The following SYT8 variants were observed in gnomAD, a reference collection of about 807,000 sequenced individuals.
The protein encoded by SYT8 is synaptotagmin-8.
A neutral mutation model predicts 34.9 loss-of-function variants in SYT8; 50 were observed. The ratio of observed to expected loss-of-function variants is 1.43; its 90% CI spans 1.14 to 1.81. The LOEUF (loss-of-function observed/expected upper bound fraction) is 1.81, where lower values mean the gene tolerates loss of function less well. Among genes scored for constraint, SYT8 ranks in the 40% most tolerant of loss-of-function variants. The probability of loss-of-function intolerance (pLI) is 0.00; values close to 1 mark genes in which losing one functional copy is unlikely to be tolerated. For synonymous variants in SYT8, 255 were observed against 234.2 expected (o/e 1.09, Z -0.81); for missense variants, 595 against 529.0 (o/e 1.12, Z -1.22).
At chr11:1,835,222 G>T (rs369796588) in intron 1 of SYT8, 23 bp downstream of exon 1, 69 of 1,611,592 alleles carry the variant, frequency 4.3e-5, no homozygotes, top group Non-Finnish European at 5.5e-5. Context: ...ATTCCCAAGA[G>T]GGGTGTGGGG....
intron 2 of SYT8, 97 bp from the exon 3 acceptor site, chr11:1,835,789 G>T: frequency 2.8e-6 from 3 of 1,076,704 alleles, no homozygotes; most frequent in South Asian, 1.3e-5. Flanking sequence ...GGAGGCGGGG[G>T]GTCTTGACCC....
chr11:1,836,164 TG>T lies in SYT8; in HGVS notation c.401del (p.Gly134AlafsTer115). The T allele has an allele frequency of 3.9e-6, 6 of 1,524,916 alleles. No individual in the cohort carries two copies. The highest frequency in any genetic ancestry group is 2.2e-5 in the Admixed American group (1 of 45,492). The allele number at this position is 1,524,916 out of a possible 1,614,324, so 94.5% of individuals were successfully genotyped here. A position where few individuals can be genotyped will look rare whatever the true frequency, so the allele number is the denominator to read the frequency against. On this transcript the variant is annotated frameshift_variant, in exon 4 of 8. Coordinates refer to ENST00000341958, the MANE Select transcript of SYT8 (RefSeq NM_001394072.1). LOFTEE classifies it high-confidence loss of function. ...TGAGGCAGGCAGCCGACCTGAGGCC[TG>T]GGGGCACCGTGGACCCCTATGCCCG... The part of the protein sequence containing the change: ...GLRQAADLRP[G>X]GTVDPYARVS...
At position 1,836,191 on chromosome 11, in the gene SYT8, G is replaced by C; in HGVS notation, c.423G>C (p.Arg141=). ...GGGGCACCGTGGACCCCTATGCCCGGGTCAGCGTCTCCACCCAGGCCGGAC... is the reference window on the plus strand; with the variant it reads ...GGGGCACCGTGGACCCCTATGCCCGCGTCAGCGTCTCCACCCAGGCCGGAC... ...RPGGTVDPYA[R]VSVSTQAGHR... Residue 141 remains arginine, a synonymous_variant, in exon 4 of 8, where the codon CGG becomes CGC. Transcript: ENST00000341958. The C allele has an allele frequency of 1.3e-6, 2 of 1,578,898 alleles. No individual in the cohort carries two copies. The highest frequency in any genetic ancestry group is 1.7e-6 in the Non-Finnish European group (2 of 1,164,204).
At chr11:1,836,901 G>C (rs750540953) in intron 6 of SYT8, 40 bp downstream of exon 6, 1 of 1,612,728 alleles carries the variant, frequency 6.2e-7, no homozygotes, top group African/African-American at 1.3e-5. Flanking sequence ...ACAGAGGGGG[G>C]GCCCGTGCTC....
rs371112550 is a variant in SYT8 at position 1,836,937 on chromosome 11, C to T, written c.791-20C>T. 35 of 1,613,170 alleles carry T rather than the reference C, an allele frequency of 2.2e-5. No individual in the cohort carries two copies. The highest frequency in any genetic ancestry group is 2.1e-4 in the African/African-American group (16 of 75,060). On this transcript the variant is annotated intron_variant, in intron 6 of 7. Coordinates refer to ENST00000341958, the MANE Select transcript of SYT8 (RefSeq NM_001394072.1). ...AGCCCCGAGCCCTGGGATGCCCCTT[C>T]GGCAACCTTGCCCTCCCAGAGCCCT... is the stretch of plus-strand genomic sequence containing the variant.
At chr11:1,831,892 G>A (rs551429897), upstream of SYT8, 8 of 405,210 alleles carry the variant, frequency 2.0e-5, no homozygotes, top group Admixed American at 8.0e-5. Context: ...AGTGGTGGGC[G>A]TCAGGTGAGA....
In SYT8 at chr11:1,835,897, T is replaced by A. The variant is rs144546172; in HGVS notation, c.270T>A (p.Asp90Glu). 2.6e-5 allele frequency: 42 copies of A among 1,612,010 alleles called. No individual in the cohort carries two copies. The highest frequency in any genetic ancestry group is 3.5e-5 in the Non-Finnish European group (41 of 1,179,406). Residue 90 changes from aspartate (D) to glutamate (E), a missense_variant, in exon 3 of 8, where the codon GAT becomes GAA. Physicochemically the swap from Asp to Glu is conservative, Grantham distance 45 (BLOSUM62 2). Transcript: ENST00000341958. ...GTTTTHLVQP[D>E]VDGLESSPGD... ...CCAACTCACTCCAGGTGCAACCTGA[T>A]GTGGATGGCCTGGAGTCCAGCCCGG...
Position 1,836,569 on chromosome 11 carries a change from C to T in SYT8, c.661C>T (p.Leu221=). 6.2e-7 allele frequency: 1 copy of T among 1,611,384 alleles called. No homozygotes were observed. Among genetic ancestry groups the T allele is most frequent in the African/African-American group, 1.3e-5 (1 of 75,050 alleles). Residue 221 remains leucine (L), a synonymous_variant, in exon 5 of 8, where the codon CTG becomes TTG. Coordinates refer to ENST00000341958, the MANE Select transcript of SYT8 (RefSeq NM_001394072.1). The stretch of plus-strand genomic sequence containing the variant: ...GCATGTTCTGGAGCACTGGTACCTG[C>T]TGGGCCCGCCGGCTGCCACTCAGGT... ...LQHVLEHWYL[L]GPPAATQPEQ... is the part of the protein sequence containing the mutation.
Position 1,837,335 on chromosome 11 carries a change from T to C in SYT8, c.1068T>C (p.Ile356=). ...TGCTGGCCCACGCCCGGCGGCCCAT[T>C]GCCCAGCGGCACCCCCTGCGGCCAG... The part of the protein sequence containing the change: ...ADMLAHARRP[I]AQRHPLRPAR... Residue 356 remains isoleucine (I), a synonymous_variant, in exon 8 of 8, where the codon ATT becomes ATC. Coordinates refer to ENST00000341958, the MANE Select transcript of SYT8 (RefSeq NM_001394072.1). 6.3e-7 allele frequency: 1 copy of C among 1,593,052 alleles called. No individual in the cohort carries two copies. The highest frequency in any genetic ancestry group is 1.3e-5 in the African/African-American group (1 of 74,826).
chr11:1,835,393 G>A lies in SYT8; in HGVS notation c.192G>A (p.Arg64=), dbSNP rs540038185. ...CCTGCTGCTGCTGCCGCCGCCACAG[G>A]AAGAAGCCCAGGGACAAGGAGTCCG... ...CAACCCCRRH[R]KKPRDKESVG... The change falls in exon 2 of 8, where the codon AGG becomes AGA. Residue 64 remains arginine, a synonymous_variant. Transcript: ENST00000341958. 1.3e-5 allele frequency: 21 copies of A among 1,609,198 alleles called. No individual in the cohort carries two copies. The highest frequency in any genetic ancestry group is 1.7e-5 in the Non-Finnish European group (20 of 1,179,410).
chr11:1,835,639 G>A (rs1846871795), intron 2 of SYT8, 180 bp downstream of exon 2: 1 of 807,908 alleles, frequency 1.2e-6, no homozygotes, highest in Non-Finnish European at 2.0e-6. Context: ...CCATGCAACA[G>A]GGGCTGCCCC....
At position 1,835,296 on chromosome 11, in the gene SYT8, G is replaced by T; in HGVS notation, c.95G>T (p.Trp32Leu). ...LIPDLVAGTP[W>L]PRWALIAGAL... Reference sequence around the variant, plus strand: ...GCACTCAGCCTGGCCTCTACCCCAGGGCCCCGCTGGGCTCTCATTGCCGGC... The same window carrying T: ...GCACTCAGCCTGGCCTCTACCCCAGTGCCCCGCTGGGCTCTCATTGCCGGC... The change falls in exon 2 of 8, where the codon TGG (tryptophan) becomes TTG (leucine). Residue 32 changes from tryptophan to leucine, a missense_variant and splice_region_variant. Physicochemically the swap from Trp to Leu is moderately conservative, Grantham distance 61. Coordinates refer to ENST00000341958, the MANE Select transcript of SYT8 (RefSeq NM_001394072.1). 2.5e-6 allele frequency: 4 copies of T among 1,598,558 alleles called. No homozygotes were observed. The highest frequency in any genetic ancestry group is 3.4e-6 in the Non-Finnish European group (4 of 1,170,792).
chr11:1,832,569 A>G (rs1016691095), upstream of SYT8, among the ~76,000 whole-genome samples: 30 of 152,110 alleles, frequency 2.0e-4, no homozygotes, highest in Non-Finnish European at 3.5e-4. Context: ...TCTCCAGGGC[A>G]CTGTCCCCGG....
In SYT8 at chr11:1,835,044, G is replaced by A; in HGVS notation, c.-62G>A. ...TGGGGTAGCGGGCAGGGGCCGGAGGGGCCACCCTCCCAGCTGACCCAGCCT... is the reference window on the plus strand; with the variant it reads ...TGGGGTAGCGGGCAGGGGCCGGAGGAGCCACCCTCCCAGCTGACCCAGCCT... On this transcript the variant is annotated 5_prime_UTR_variant, in exon 1 of 8. Coordinates refer to ENST00000341958, the MANE Select transcript of SYT8 (RefSeq NM_001394072.1). The A allele has an allele frequency of 6.4e-7, 1 of 1,567,450 alleles. No homozygotes were observed. Among genetic ancestry groups the A allele is most frequent in the East Asian group, 2.2e-5 (1 of 44,606 alleles).
chr11:1,836,538 T>A lies in SYT8; in HGVS notation c.630T>A (p.Asp210Glu). 6.2e-7 allele frequency: 1 copy of A among 1,612,712 alleles called. No individual in the cohort carries two copies. The highest frequency in any genetic ancestry group is 8.5e-7 in the Non-Finnish European group (1 of 1,179,920). ...GELRLPLGTV[D>E]LQHVLEHWYL... ...TCCGTCTGCCACTGGGCACCGTGGATCTGCAGCATGTTCTGGAGCACTGGT... is the reference window on the plus strand; with the variant it reads ...TCCGTCTGCCACTGGGCACCGTGGAACTGCAGCATGTTCTGGAGCACTGGT... The change falls in exon 5 of 8, where the codon GAT (aspartate) becomes GAA (glutamate). Residue 210 changes from aspartate to glutamate, a missense_variant. Physicochemically the swap from Asp to Glu is conservative, Grantham distance 45 (BLOSUM62 2). Transcript: ENST00000341958.
At position 1,836,299 on chromosome 11, in the gene SYT8, G is replaced by A; in HGVS notation, c.516+15G>A. 1 of 1,530,654 alleles carries A rather than the reference G, an allele frequency of 6.5e-7. No homozygotes were observed. 94.8% of individuals were successfully genotyped at this position (1,530,654 alleles called of 1,614,324 possible). ...GCTGCTTCCACGTGAGTCAGGGATG[G>A]TCGGCTGGGTGGGCCTGGACGGCTG... is the stretch of plus-strand genomic sequence containing the variant. On this transcript the variant is annotated intron_variant, in intron 4 of 7. Coordinates refer to ENST00000341958, the MANE Select transcript of SYT8 (RefSeq NM_001394072.1).
At chr11:1,836,905 C>T (rs749350395) in intron 6 of SYT8, 44 bp downstream of exon 6, 103 of 1,612,724 alleles carry the variant, frequency 6.4e-5, no homozygotes, top group Admixed American at 3.5e-4. Flanking sequence ...AGGGGGGGCC[C>T]GTGCTCAGCC....
intron 3 of SYT8, 68 bp downstream of exon 3, chr11:1,836,052 A>G (rs1179693007): frequency 1.3e-6 from 2 of 1,576,546 alleles, no homozygotes; most frequent in Non-Finnish European, 8.6e-7. Context: ...GGGGAAGGGC[A>G]GACCCCATGC....
rs770878120 is a variant in SYT8, at chr11:1,837,027, G to C, written c.861G>C (p.Lys287Asn). ...KWKKRKTATK[K>N]GTAAPYFNEA... ...AGAAGAGAAAGACAGCCACCAAAAA[G>C]GGCACGGCGGCCCCCTACTTCAATG... The change falls in exon 7 of 8, where the codon AAG becomes AAC. Residue 287 changes from lysine to asparagine, a missense_variant. Lys to Asn is a moderately conservative substitution (Grantham distance 94). Coordinates refer to ENST00000341958, the MANE Select transcript of SYT8 (RefSeq NM_001394072.1). 10 of 1,613,752 alleles carry C rather than the reference G, an allele frequency of 6.2e-6. No homozygotes were observed. In the South Asian group the frequency reaches 1.1e-4, roughly 18 times the overall value.
Sources: gnomAD v4.1 joint callset for allele counts (sites outside exome capture counted in the v4.1 genomes callset) on GRCh38, gnomAD v4.1.1 for gene constraint, MANE v1.5 for transcripts, NCBI Gene and HGNC (gene_info 2026-07-23, HGNC 2026-07-21) for gene names.